The following RYR1 variants were observed in gnomAD, a reference collection of about 807,000 sequenced individuals.
RYR1 encodes the protein ryanodine receptor 1.
A neutral mutation model predicts 583.5 loss-of-function variants in RYR1; 342 were observed. The ratio of observed to expected loss-of-function variants is 0.59; its 90% confidence interval spans 0.54 to 0.64. The LOEUF (loss-of-function observed/expected upper bound fraction) is 0.64, where lower values mean the gene tolerates loss of function less well. RYR1 is among the 30% of genes least tolerant of loss of function. RYR1 has a pLI of 0.00. For missense variants in RYR1, 6,032 were observed against 6,917.2 expected, an observed-to-expected ratio of 0.87 and a Z score of 4.54; for synonymous variants, 2,791 against 2,822.5, an observed-to-expected ratio of 0.99 and a Z score of 0.35.
intron 57 of RYR1, 100 bp from the exon 58 acceptor site, chr19:38,507,612 G>A: frequency 1.2e-6 from 1 of 811,250 alleles, no homozygotes; most frequent in Non-Finnish European, 2.2e-6. Context: ...AGCCAAAGCT[G>A]ATAGAGACGG....
intron 25 of RYR1, 132 bp downstream of exon 25, chr19:38,467,944 A>G: frequency 9.3e-6 from 7 of 754,678 alleles, no homozygotes; most frequent in Non-Finnish European, 1.3e-5. Flanking sequence ...TCATCCACCC[A>G]TCTATCCATC....
chr19:38,501,821 A>C (rs2145609960), intron 47 of RYR1, among the ~76,000 whole-genome samples: 1 of 152,038 alleles, frequency 6.6e-6, no homozygotes, highest in Admixed American at 6.6e-5. Context: ...CTGTCTCTAC[A>C]AAAAAAATTT....
intron 13 of RYR1, among the ~76,000 whole-genome samples, chr19:38,453,352 T>C (rs11083461): frequency 0.9 from 136,609 of 151,404 alleles, 61,747 homozygotes; most frequent in East Asian, 0.99. Flanking sequence ...GGGTGAGGCC[T>C]GGGGAGGTGA....
intron 13 of RYR1, among the ~76,000 whole-genome samples, chr19:38,454,643 C>G (rs1967266690): frequency 6.6e-6 from 1 of 152,090 alleles, no homozygotes; most frequent in Non-Finnish European, 1.5e-5. Flanking sequence ...CCCCTAGAAG[C>G]AGTGGTTCAG....
rs1313365429 is a variant in RYR1, at chr19:38,565,296, G to A, written c.12962G>A (p.Arg4321Gln). The A allele has an allele frequency of 3.0e-5, 32 of 1,051,308 alleles. 2 individuals carry two copies. The highest frequency in any genetic ancestry group is 3.2e-5 in the Non-Finnish European group (28 of 874,070). The allele number at this position is 1,051,308 out of a possible 1,614,324, so 65.1% of individuals were successfully genotyped here. A position where few individuals can be genotyped will look rare whatever the true frequency, so the allele number is the denominator to read the frequency against. ...CTGCGGCGGCGCGTGCGGCGGCTGCGGCGGCTTACGGCCCGCGAGGCGGCC... is the reference window on the plus strand; with the variant it reads ...CTGCGGCGGCGCGTGCGGCGGCTGCAGCGGCTTACGGCCCGCGAGGCGGCC... Reference protein sequence around the residue: ...RSLRRRVRRLRRLTAREAATA... With the variant: ...RSLRRRVRRLQRLTAREAATA... The change falls in exon 91 of 106, where the codon CGG becomes CAG. Residue 4321 changes from arginine (R) to glutamine (Q), a missense_variant. Physicochemically the swap from Arg to Gln is conservative, Grantham distance 43. Around this residue, in one of 11 missense-constraint regions of RYR1, gnomAD observed 753 missense variants for 759.6 expected, o/e 0.99. Transcript: ENST00000359596. This position sits in a 1 kb window ranked among gnomAD's most constrained non-coding sequence, Gnocchi z 4.7.
chr19:38,556,602 C>T (rs906792025), intron 89 of RYR1, among the ~76,000 whole-genome samples: 4 of 152,036 alleles, frequency 2.6e-5, no homozygotes, highest in African/African-American at 9.7e-5. Context: ...GTTGCCCAGG[C>T]TGGTCTCAAA....
At chr19:38,518,245 G>A (rs956787651) in intron 66 of RYR1, among the ~76,000 whole-genome samples, 2 of 151,952 alleles carry the variant, frequency 1.3e-5, no homozygotes, top group Middle Eastern at 3.4e-3. Flanking sequence ...TCCTCAAAGC[G>A]TTAGGTTTCC....
At chr19:38,451,105 C>T (rs947348317) in intron 11 of RYR1, among the ~76,000 whole-genome samples, 4 of 152,364 alleles carry the variant, frequency 2.6e-5, no homozygotes, top group African/African-American at 9.6e-5. Flanking sequence ...AACAGAGCCA[C>T]TTACTACAGC....
At position 38,492,537 on chromosome 19, in the gene RYR1, C is replaced by T; in HGVS notation, c.6175C>T (p.Leu2059=). The change falls in exon 38 of 106, where the codon CTG becomes TTG. Residue 2059 remains leucine, a synonymous_variant. Transcript: ENST00000359596. ...GGAGGAACCAGAGGAAGAGACCACCCTGGGCAGCCGCCTCATGAGCCTGTT... is the reference window on the plus strand; with the variant it reads ...GGAGGAACCAGAGGAAGAGACCACCTTGGGCAGCCGCCTCATGAGCCTGTT... ...EEEEPEEETT[L]GSRLMSLLEK... 1 of 1,614,070 alleles carries T rather than the reference C, an allele frequency of 6.2e-7. No individual in the cohort carries two copies. Among genetic ancestry groups the T allele is most frequent in the South Asian group, 1.1e-5 (1 of 91,082 alleles).
chr19:38,556,669 C>T (rs1158403031), intron 89 of RYR1, among the ~76,000 whole-genome samples: 1 of 152,066 alleles, frequency 6.6e-6, no homozygotes, highest in African/African-American at 2.4e-5. Context: ...GGATTACAGG[C>T]AAGAGCCACT....
At chr19:38,566,464 A>G (rs1367059260) in intron 91 of RYR1, among the ~76,000 whole-genome samples, 3 of 147,930 alleles carry the variant, frequency 2.0e-5, no homozygotes, top group African/African-American at 7.7e-5. Context: ...AAAAAAAAAA[A>G]AAAAAAAAAA....
intron 89 of RYR1, among the ~76,000 whole-genome samples, chr19:38,555,381 G>A (rs1972835378): frequency 6.7e-6 from 1 of 150,346 alleles, no homozygotes; most frequent in South Asian, 2.1e-4. Flanking sequence ...AGTTGAGGTC[G>A]CAGTGAGTCC....
rs752477271 is a variant in RYR1, at chr19:38,525,495, A to G, written c.10619A>G (p.Tyr3540Cys). 1 of 1,613,572 alleles carries G rather than the reference A, an allele frequency of 6.2e-7. No individual in the cohort carries two copies. The highest frequency in any genetic ancestry group is 1.1e-5 in the South Asian group (1 of 91,048). Residue 3540 changes from tyrosine (Y) to cysteine (C), a missense_variant, in exon 71 of 106, where the codon TAC becomes TGC. Around this residue, in one of 11 missense-constraint regions of RYR1, gnomAD observed 1,493 missense variants for 1,715.5 expected, o/e 0.87. Coordinates refer to ENST00000359596, the MANE Select transcript of RYR1 (RefSeq NM_000540.3). ...CTCATCACGCTGGCCAAGACCCGTT[A>G]CGCCCTGGTGCCTGCCCAGCCCCGT... ...QDLITLAKTRYALKDTDEEVR... is the reference protein window; with the variant it reads ...QDLITLAKTRCALKDTDEEVR...
Position 38,585,198 on chromosome 19 carries a change from C to T in RYR1, c.14803+99C>T, listed in dbSNP as rs541608742. On this transcript the variant is annotated intron_variant, in intron 102 of 105. Transcript: ENST00000359596. ...CAGTCGGCCTGCATTCATACCCCAT[C>T]TCTACCTCTCGCTACTGTGAGACCT... The T allele has an allele frequency of 9.3e-6, 13 of 1,404,954 alleles. No homozygotes were observed. The East Asian group carries it at 2.7e-4, about 29-fold the overall frequency. 87.0% of individuals were successfully genotyped at this position (1,404,954 alleles called of 1,614,324 possible).
Position 38,496,986 on chromosome 19 carries a change from A to C in RYR1, c.6891+32A>C. On this transcript the variant is annotated intron_variant, in intron 42 of 105. Coordinates refer to ENST00000359596, the MANE Select transcript of RYR1 (RefSeq NM_000540.3). The surrounding 1 kb of genome is among the most constrained non-coding windows in gnomAD (Gnocchi z 4.8). ...AGGGCAGGGCTGGGCCCCAGGCCTA[A>C]GGGAGGAAATCGGGCCGCTACCCGG... 5 of 1,585,566 alleles carry C rather than the reference A, an allele frequency of 3.2e-6. No homozygotes were observed. The highest frequency in any genetic ancestry group is 3.5e-6 in the Non-Finnish European group (4 of 1,154,938).
intron 89 of RYR1, among the ~76,000 whole-genome samples, chr19:38,550,407 A>C (rs1031172711): frequency 6.6e-6 from 1 of 152,168 alleles, no homozygotes; most frequent in Non-Finnish European, 1.5e-5. Flanking sequence ...CATCATTATC[A>C]GACTAGGGTT....
intron 16 of RYR1, among the ~76,000 whole-genome samples, chr19:38,456,344 T>TGC (rs1967390835): frequency 7.3e-6 from 1 of 136,692 alleles, no homozygotes; most frequent in Non-Finnish European, 1.5e-5. Flanking sequence ...TGCAGTGGCA[T>TGC]GATCTCAGCT....
intron 101 of RYR1, among the ~76,000 whole-genome samples, chr19:38,580,813 C>T (rs564336657): frequency 7.9e-5 from 12 of 152,246 alleles, no homozygotes; most frequent in African/African-American, 2.9e-4. Flanking sequence ...GGCCACTACA[C>T]TCCATCCTGG....
intron 63 of RYR1, 85 bp from the exon 64 acceptor site, chr19:38,514,941 T>C: frequency 1.1e-6 from 1 of 872,280 alleles, no homozygotes; most frequent in Non-Finnish European, 1.9e-6. Flanking sequence ...CCCCACTGCA[T>C]GGGCCTATTT....
Sources: allele counts gnomAD v4.1 joint callset (sites outside exome capture counted in the v4.1 genomes callset), GRCh38; gene constraint gnomAD v4.1.1; regional missense constraint gnomAD v4.1.1; non-coding constraint Gnocchi (gnomAD v3.1); transcripts MANE v1.5; gene names NCBI Gene and HGNC (gene_info 2026-07-23, HGNC 2026-07-21).